The following MERTK variants were observed in gnomAD, a reference collection of about 807,000 sequenced individuals.
The protein encoded by MERTK is tyrosine-protein kinase Mer.
A neutral mutation model predicts 99.3 loss-of-function variants in MERTK; 69 were observed. The observed-to-expected ratio is 0.70, with a 90% confidence interval of 0.57 to 0.85. The LOEUF (loss-of-function observed/expected upper bound fraction) is 0.85, where lower values mean the gene tolerates loss of function less well. Among genes scored for constraint, MERTK ranks in the 40% least tolerant of loss-of-function variants. The pLI is 0.00. For synonymous variants in MERTK, 426 were observed against 467.6 expected, an observed-to-expected ratio of 0.91 and a Z score of 1.15; for missense variants, 1,125 against 1,249.4, an observed-to-expected ratio of 0.90 and a Z score of 1.50.
chr2:111,902,616 T>G lies in MERTK; in HGVS notation c.61+3820T>G, dbSNP rs547475752. 1.3e-4 allele frequency among the ~76,000 whole-genome samples: 20 copies of G among 152,288 alleles called. No homozygotes were observed. The South Asian group carries it at 4.1e-3, about 32-fold the overall frequency. ...GAACCTTTTTCCCAAGATCTCGGCA[T>G]GCTGGCTTCTTCTCATCCTTTGGGT... On this transcript the variant is annotated intron_variant, in intron 1 of 18. Coordinates refer to ENST00000295408, the MANE Select transcript of MERTK (RefSeq NM_006343.3).
At chr2:111,911,022 A>G (rs993596450) in intron 1 of MERTK, among the ~76,000 whole-genome samples, 2 of 152,184 alleles carry the variant, frequency 1.3e-5, no homozygotes, top group African/African-American at 4.8e-5. Flanking sequence ...AGAAGGTGAT[A>G]ACTCAATACG....
At chr2:112,023,510 C>T (rs1677400460) in intron 18 of MERTK, among the ~76,000 whole-genome samples, 1 of 152,192 alleles carries the variant, frequency 6.6e-6, no homozygotes. Flanking sequence ...GACACACACA[C>T]AGCACACATC....
At position 112,008,668 on chromosome 2, in the gene MERTK, A is replaced by G. The variant is rs554180072; in HGVS notation, c.1960+193A>G. 15 of 683,922 alleles carry G rather than the reference A, an allele frequency of 2.2e-5. No homozygotes were observed. In the African/African-American group the frequency reaches 2.6e-4, roughly 12 times the overall value. 42.4% of individuals were successfully genotyped at this position (683,922 alleles called of 1,614,324 possible). On this transcript the variant is annotated intron_variant, in intron 14 of 18. Coordinates refer to ENST00000295408, the MANE Select transcript of MERTK (RefSeq NM_006343.3). The stretch of plus-strand genomic sequence containing the variant: ...AGGCTAATAGTAATAATGAGTTTGC[A>G]TTTTCTGGACGCTGATAGGCTCAGG...
intron 6 of MERTK, among the ~76,000 whole-genome samples, chr2:111,968,603 G>A (rs553519034): frequency 9.9e-5 from 15 of 151,814 alleles, no homozygotes; most frequent in African/African-American, 3.4e-4. Flanking sequence ...GTGTGATCCC[G>A]GCTCACCGCA....
intron 4 of MERTK, among the ~76,000 whole-genome samples, chr2:111,959,245 C>A (rs1377039640): frequency 2.0e-5 from 3 of 152,138 alleles, no homozygotes; most frequent in Non-Finnish European, 4.4e-5. Context: ...ATCAGTGTCT[C>A]CATCCTCATC....
intron 8 of MERTK, among the ~76,000 whole-genome samples, chr2:111,991,548 G>T (rs999639506): frequency 6.6e-6 from 1 of 151,674 alleles, no homozygotes; most frequent in Non-Finnish European, 1.5e-5. Context: ...TCTGAAAAAG[G>T]TATCACCAGA....
intron 1 of MERTK, among the ~76,000 whole-genome samples, chr2:111,904,888 C>T (rs1359259653): frequency 6.6e-6 from 1 of 152,180 alleles, no homozygotes; most frequent in East Asian, 1.9e-4. Context: ...GTGAGCCAAC[C>T]CTCAGGTGCC....
chr2:111,898,786 C>G lies in MERTK; in HGVS notation c.51C>G (p.Leu17=), dbSNP rs1573554241. 1 of 1,597,254 alleles carries G rather than the reference C, an allele frequency of 6.3e-7. No individual in the cohort carries two copies. The highest frequency in any genetic ancestry group is 1.3e-5 in the African/African-American group (1 of 74,766). The change falls in exon 1 of 19, where the codon CTC becomes CTG. Residue 17 remains leucine, a synonymous_variant. Transcript: ENST00000295408. ...TGCTGGGCCTCTTCCTCCCCGCGCT[C>G]TGGCGTAGAGGTGAGTGCGCCCGGC... ...PLLLGLFLPA[L]WRRAITEARE...
chr2:111,929,031 GCT>G, intron 1 of MERTK, 87 bp from the exon 2 acceptor site: 1 of 1,377,620 alleles, frequency 7.3e-7, no homozygotes. Context: ...ACACCCCAGT[GCT>G]CTCTCTTCTT....
At chr2:111,948,116 G>A (rs1046978203) in intron 4 of MERTK, among the ~76,000 whole-genome samples, 1 of 152,156 alleles carries the variant, frequency 6.6e-6, no homozygotes, top group Non-Finnish European at 1.5e-5. Flanking sequence ...CCCATGCACT[G>A]AAGTCAGTGG....
At chr2:111,973,994 A>G (rs980409063) in intron 6 of MERTK, among the ~76,000 whole-genome samples, 1 of 146,402 alleles carries the variant, frequency 6.8e-6, no homozygotes, top group Non-Finnish European at 1.5e-5. Context: ...TCCTCATCAA[A>G]AAAAAAAAAA....
rs1306953525 is a variant in MERTK, at chr2:112,010,054, G to A, written c.2067G>A (p.Glu689=). Residue 689 remains glutamate, a synonymous_variant, in exon 15 of 19, where the codon GAG becomes GAA. Coordinates refer to ENST00000295408, the MANE Select transcript of MERTK (RefSeq NM_006343.3). The part of the protein sequence containing the change: ...LHTYLLYSRL[E]TGPKHIPLQT... ...CTTACTTACTTTATTCCCGATTGGA[G>A]ACAGGACCAAAGGTAATGATCTCCT... is the stretch of plus-strand genomic sequence containing the variant. 5.6e-6 allele frequency: 9 copies of A among 1,608,388 alleles called. No homozygotes were observed. The highest frequency in any genetic ancestry group is 5.4e-5 in the African/African-American group (4 of 74,750).
intron 2 of MERTK, among the ~76,000 whole-genome samples, chr2:111,936,796 G>T (rs531393903): frequency 4.6e-5 from 7 of 152,244 alleles, no homozygotes; most frequent in Admixed American, 1.3e-4. Flanking sequence ...CCAGGTTCCA[G>T]GACACTGCTT....
At position 111,946,150 on chromosome 2, in the gene MERTK, A is replaced by G. The variant is rs147213014; in HGVS notation, c.583+1090A>G. ...ACTCCCTCAGAGGAGTCTCTTCATG[A>G]CCTTTGCTCTAGGCCCATCCCAGGC... On this transcript the variant is annotated intron_variant, in intron 3 of 18. Coordinates refer to ENST00000295408, the MANE Select transcript of MERTK (RefSeq NM_006343.3). Among the ~76,000 whole-genome samples, 460 of 152,220 alleles carry G rather than the reference A, an allele frequency of 3.0e-3. 1 individual carries two copies. Among genetic ancestry groups the G allele is most frequent in the African/African-American group, 0.011 (448 of 41,530 alleles).
At chr2:112,001,657 A>G (rs1676872508) in intron 11 of MERTK, among the ~76,000 whole-genome samples, 2 of 152,216 alleles carry the variant, frequency 1.3e-5, no homozygotes, top group Non-Finnish European at 2.9e-5. Context: ...AACTCCGAGG[A>G]TGATTTGCCA....
At chr2:111,997,920 C>T (rs539110875) in intron 10 of MERTK, among the ~76,000 whole-genome samples, 18 of 152,196 alleles carry the variant, frequency 1.2e-4, no homozygotes, top group Non-Finnish European at 2.4e-4. Flanking sequence ...GGCATGATGG[C>T]ACACGCCTGT....
chr2:111,992,001 C>T (rs1223349659), intron 8 of MERTK, among the ~76,000 whole-genome samples: 1 of 152,154 alleles, frequency 6.6e-6, no homozygotes, highest in Non-Finnish European at 1.5e-5. Context: ...CTCCTGCCCT[C>T]CTTTCATGTA....
At chr2:112,007,628 G>C (rs1042807978) in intron 13 of MERTK, among the ~76,000 whole-genome samples, 1 of 152,108 alleles carries the variant, frequency 6.6e-6, no homozygotes, top group African/African-American at 2.4e-5. Flanking sequence ...TGACAGGCTT[G>C]TTTCACTTAG....
At chr2:111,985,247 T>A (rs1676452126) in intron 8 of MERTK, among the ~76,000 whole-genome samples, 1 of 152,170 alleles carries the variant, frequency 6.6e-6, no homozygotes, top group South Asian at 2.1e-4. Context: ...TGCTATGATG[T>A]GAACCCTGGA....
Sources: gnomAD v4.1 joint callset for allele counts (sites outside exome capture counted in the v4.1 genomes callset) on GRCh38, gnomAD v4.1.1 for gene constraint, MANE v1.5 for transcripts, NCBI Gene and HGNC (gene_info 2026-07-23, HGNC 2026-07-21) for gene names.